The following PIKFYVE variants were observed in gnomAD, a reference collection of about 807,000 sequenced individuals.
PIKFYVE encodes the protein 1-phosphatidylinositol 3-phosphate 5-kinase.
In PIKFYVE, 122 loss-of-function variants were observed where a neutral mutation model predicts 257.9. The ratio of observed to expected loss-of-function variants is 0.47; its 90% CI spans 0.41 to 0.55. The LOEUF is 0.55. PIKFYVE is among the 20% of genes least tolerant of loss of function. The pLI, the probability that PIKFYVE is intolerant of heterozygous loss-of-function variation, is 0.00. For synonymous variants in PIKFYVE, 892 were observed against 868.9 expected, an observed-to-expected ratio of 1.03 and a Z score of -0.47; for missense variants, 2,160 against 2,536.6, an observed-to-expected ratio of 0.85 and a Z score of 3.19.
At chr2:208,320,402 G>A in intron 17 of PIKFYVE, 43 bp downstream of exon 17, 1 of 1,601,622 alleles carries the variant, frequency 6.2e-7, no homozygotes, top group Non-Finnish European at 8.5e-7. Flanking sequence ...AGGGATGTTT[G>A]TGTACCATGA....
chr2:208,283,733 GC>G (rs1157984760), intron 5 of PIKFYVE, among the ~76,000 whole-genome samples: 3 of 152,100 alleles, frequency 2.0e-5, no homozygotes, highest in South Asian at 2.1e-4. Flanking sequence ...CAGGGTGCAT[GC>G]CACCATGCCC....
At position 208,276,731 on chromosome 2, in the gene PIKFYVE, A is replaced by G. The variant is rs111787497; in HGVS notation, c.342A>G (p.Glu114=). 1 of 1,613,708 alleles carries G rather than the reference A, an allele frequency of 6.2e-7. No homozygotes were observed. The change falls in exon 4 of 42, where the codon GAA becomes GAG. Residue 114 remains glutamate, a synonymous_variant. Coordinates refer to ENST00000264380, the MANE Select transcript of PIKFYVE (RefSeq NM_015040.4). The part of the protein sequence containing the change: ...SSALDTRRKA[E]PTFGGHDPRT... The stretch of plus-strand genomic sequence containing the variant: ...ACTCAGACACAAGAAGGAAAGCAGA[A>G]CCTACCTTTGGAGGTCATGACCCTC...
At chr2:208,338,940 C>T (rs375889313) in intron 29 of PIKFYVE, among the ~76,000 whole-genome samples, 61 of 152,124 alleles carry the variant, frequency 4.0e-4, no homozygotes, top group African/African-American at 1.3e-3. Flanking sequence ...AGATGTCTTT[C>T]ACAGTATTTC....
intron 19 of PIKFYVE, 101 bp downstream of exon 19, chr2:208,325,138 A>G: frequency 6.3e-7 from 1 of 1,577,846 alleles, no homozygotes; most frequent in Non-Finnish European, 8.7e-7. Context: ...TGGGTAAGTG[A>G]GGATAGGCAA....
At position 208,339,484 on chromosome 2, in the gene PIKFYVE, C is replaced by T. The variant is rs777336717; in HGVS notation, c.4739C>T (p.Thr1580Met). Residue 1580 changes from threonine (T) to methionine (M), a missense_variant, in exon 30 of 42, where the codon ACG becomes ATG. Thr to Met is a moderately conservative substitution (Grantham distance 81). This residue lies in a region of PIKFYVE where 699 missense variants were observed against 855.8 expected (regional missense o/e 0.82). Coordinates refer to ENST00000264380, the MANE Select transcript of PIKFYVE (RefSeq NM_015040.4). ...AGTTCTACTCATCTCCAATTGCCTA[C>T]GCCACCTGAAGTCATGTCTGAACAG... ...STSSTHLQLP[T>M]PPEVMSEQSV... The T allele has an allele frequency of 1.6e-5, 26 of 1,614,004 alleles. No individual in the cohort carries two copies. Among genetic ancestry groups the T allele is most frequent in the African/African-American group, 2.7e-5 (2 of 74,932 alleles).
chr2:208,339,626 A>C, intron 30 of PIKFYVE, 71 bp downstream of exon 30: 3 of 1,555,828 alleles, frequency 1.9e-6, no homozygotes, highest in Non-Finnish European at 2.6e-6. Context: ...GATTTACATG[A>C]ATTACAGCCA....
chr2:208,326,125 A>G lies in PIKFYVE; in HGVS notation c.3314A>G (p.Gln1105Arg). 6.2e-7 allele frequency: 1 copy of G among 1,614,202 alleles called. No homozygotes were observed. The highest frequency in any genetic ancestry group is 8.5e-7 in the Non-Finnish European group (1 of 1,180,042). ...FKEMENRRKKQLLRDLSGLQG... is the reference protein window; with the variant it reads ...FKEMENRRKKRLLRDLSGLQG... The stretch of plus-strand genomic sequence containing the variant: ...GAAATGGAGAACAGGAGGAAGAAAC[A>G]GCTGCTCAGGGATCTCTCTGGACTT... The change falls in exon 20 of 42, where the codon CAG (glutamine) becomes CGG (arginine). Residue 1105 changes from glutamine to arginine, a missense_variant. Physicochemically the swap from Gln to Arg is conservative, Grantham distance 43. Transcript: ENST00000264380.
chr2:208,322,333 T>C (rs1235576556), intron 17 of PIKFYVE, among the ~76,000 whole-genome samples: 1 of 137,568 alleles, frequency 7.3e-6, no homozygotes, highest in Admixed American at 7.8e-5. Flanking sequence ...TGACGGCACC[T>C]CTGCACTCCA....
intron 20 of PIKFYVE, 97 bp downstream of exon 20, chr2:208,326,526 C>A: frequency 1.5e-6 from 2 of 1,295,058 alleles, no homozygotes; most frequent in Non-Finnish European, 2.2e-6. Context: ...AGACTGCATG[C>A]AGATTTGTGA....
chr2:208,302,406 C>A, intron 10 of PIKFYVE, 53 bp downstream of exon 10: 3 of 1,431,780 alleles, frequency 2.1e-6, no homozygotes, highest in Non-Finnish European at 2.0e-6. Context: ...ATTTTATAGT[C>A]TTTCTTCATC....
chr2:208,328,273 A>G lies in PIKFYVE; in HGVS notation c.3712A>G (p.Ser1238Gly). ...CAGCAATGCTCCTAGTGCCTGTGTC[A>G]GTCCTTGGTAGGATTCTTTTCCCCC... The part of the protein sequence containing the change: ...QSSNAPSACV[S>G]PWIVTMEFYG... The change falls in exon 21 of 42, where the codon AGT becomes GGT. Residue 1238 changes from serine (S) to glycine (G), a missense_variant. Ser to Gly is a moderately conservative substitution (Grantham distance 56). Transcript: ENST00000264380. 1.2e-6 allele frequency: 2 copies of G among 1,613,836 alleles called. No individual in the cohort carries two copies. Among genetic ancestry groups the G allele is most frequent in the African/African-American group, 1.3e-5 (1 of 75,020 alleles).
intron 7 of PIKFYVE, among the ~76,000 whole-genome samples, chr2:208,289,871 G>T (rs1023788741): frequency 6.6e-6 from 1 of 152,106 alleles, no homozygotes; most frequent in African/African-American, 2.4e-5. Flanking sequence ...TCTGGCCATC[G>T]TTTTTTATAT....
intron 24 of PIKFYVE, 126 bp downstream of exon 24, chr2:208,333,619 G>A: frequency 9.9e-7 from 1 of 1,005,472 alleles, no homozygotes; most frequent in Non-Finnish European, 1.5e-6. Flanking sequence ...CCTTATAAAT[G>A]CAGAGGACCA....
chr2:208,302,203 G>T, intron 9 of PIKFYVE, 39 bp from the exon 10 acceptor site: 1 of 1,572,368 alleles, frequency 6.4e-7, no homozygotes, highest in South Asian at 1.1e-5. Flanking sequence ...TATTCTGACT[G>T]ACTTTTAAAA....
intron 31 of PIKFYVE, among the ~76,000 whole-genome samples, chr2:208,341,811 A>G (rs953207791): frequency 2.0e-5 from 3 of 152,120 alleles, no homozygotes; most frequent in Non-Finnish European, 2.9e-5. Flanking sequence ...GGATTTTAAC[A>G]TATGAATTTT....
At chr2:208,330,736 C>G in intron 23 of PIKFYVE, 42 bp downstream of exon 23, 1 of 1,542,684 alleles carries the variant, frequency 6.5e-7, no homozygotes, top group Non-Finnish European at 8.8e-7. Context: ...CCATTTATTT[C>G]TTTATTTGTA....
intron 12 of PIKFYVE, among the ~76,000 whole-genome samples, chr2:208,310,313 A>G (rs1419987972): frequency 1.3e-5 from 2 of 152,108 alleles, no homozygotes; most frequent in Non-Finnish European, 2.9e-5. Flanking sequence ...TTTCTTATGG[A>G]TTGTCCTATA....
At chr2:208,305,684 A>AT (rs35792869) in intron 12 of PIKFYVE, 2,144 of 187,958 alleles carry the variant, frequency 0.011, 17 homozygotes, top group Non-Finnish European at 0.017. Context: ...ATAGCAGCAC[A>AT]TAAGAAATGC....
intron 32 of PIKFYVE, among the ~76,000 whole-genome samples, chr2:208,344,397 T>A (rs557631830): frequency 6.6e-6 from 1 of 152,254 alleles, no homozygotes; most frequent in East Asian, 1.9e-4. Context: ...TTTTCCTTTA[T>A]AAGATTCCAT....
Sources: allele counts gnomAD v4.1 joint callset (sites outside exome capture counted in the v4.1 genomes callset), GRCh38; gene constraint gnomAD v4.1.1; regional missense constraint gnomAD v4.1.1; transcripts MANE v1.5; gene names NCBI Gene and HGNC (gene_info 2026-07-23, HGNC 2026-07-21).